Variants in NCK2 observed in about 807,000 individuals in gnomAD.
NCK2 encodes the protein NCK adaptor protein 2.
NCK2 carries 16 observed loss-of-function variants against 33.9 expected under a neutral mutation model. The observed-to-expected ratio is 0.47, with a 90% CI of 0.32 to 0.72. The LOEUF (loss-of-function observed/expected upper bound fraction) is 0.72, where lower values mean the gene tolerates loss of function less well. Ranked by LOEUF, NCK2 falls within the 30% of genes least tolerant of loss-of-function variation. The pLI is 0.03. For synonymous variants in NCK2, 273 were observed against 239.9 expected, an observed-to-expected ratio of 1.14 and a Z score of -1.27; for missense variants, 418 against 537.3, an observed-to-expected ratio of 0.78 and a Z score of 2.19.
At chr2:105,763,631 TG>T (rs1250600365) in intron 1 of NCK2, among the ~76,000 whole-genome samples, 3 of 152,124 alleles carry the variant, frequency 2.0e-5, no homozygotes, top group Non-Finnish European at 4.4e-5. Context: ...GCAGTGGGGT[TG>T]GGGTTGGGTT....
intron 1 of NCK2, among the ~76,000 whole-genome samples, chr2:105,794,101 T>C (rs1573601091): frequency 6.8e-6 from 1 of 146,750 alleles, no homozygotes; most frequent in Admixed American, 7.1e-5. Flanking sequence ...CAGGCTGGAG[T>C]GCAGTGGCGC....
At chr2:105,871,012 G>C in intron 3 of NCK2, among the ~76,000 whole-genome samples, 1 of 152,054 alleles carries the variant, frequency 6.6e-6, no homozygotes, top group South Asian at 2.1e-4. Context: ...TCTGCTCATC[G>C]TGATCCTGGC....
At chr2:105,749,035 C>T (rs1001939594) in intron 1 of NCK2, among the ~76,000 whole-genome samples, 2 of 152,100 alleles carry the variant, frequency 1.3e-5, no homozygotes, top group Non-Finnish European at 2.9e-5. Context: ...CATTTGTAGT[C>T]CTGAAGCTAC....
At chr2:105,775,748 C>T (rs1022270789) in intron 1 of NCK2, among the ~76,000 whole-genome samples, 1 of 152,084 alleles carries the variant, frequency 6.6e-6, no homozygotes, top group Non-Finnish European at 1.5e-5. Flanking sequence ...ACTGGGAGCA[C>T]CACACCTCCC....
intron 3 of NCK2, chr2:105,856,685 T>G (rs1050015566): frequency 2.6e-5 from 4 of 152,236 alleles, no homozygotes; most frequent in Admixed American, 6.5e-5. Context: ...TTTGGAGAGA[T>G]AAGTGAGACA....
chr2:105,823,025 C>T (rs6723057), intron 2 of NCK2, among the ~76,000 whole-genome samples: 18,935 of 151,934 alleles, frequency 0.12, 1,544 homozygotes, highest in African/African-American at 0.21. Context: ...AAACAGGCCA[C>T]ACAGAGCTTG....
At chr2:105,851,431 T>A (rs1284178371) in intron 2 of NCK2, among the ~76,000 whole-genome samples, 1 of 152,134 alleles carries the variant, frequency 6.6e-6, no homozygotes, top group Non-Finnish European at 1.5e-5. Context: ...CCCCGGCTGC[T>A]CTTTTTGTAT....
intron 1 of NCK2, among the ~76,000 whole-genome samples, chr2:105,791,725 T>A (rs968204328): frequency 1.3e-5 from 2 of 152,206 alleles, no homozygotes; most frequent in African/African-American, 2.4e-5. Flanking sequence ...TGGTATACAT[T>A]CTTCGTAGAG....
At position 105,839,917 on chromosome 2, in the gene NCK2, G is replaced by A. The variant is rs151084917; in HGVS notation, c.-16-15131G>A. Reference sequence around the variant, plus strand: ...CAGGCAGCAGGGCTGTGTGATCTCCGCGCAGCTGGTGGACGGTGTGTTTCC... The same window carrying A: ...CAGGCAGCAGGGCTGTGTGATCTCCACGCAGCTGGTGGACGGTGTGTTTCC... On this transcript the variant is annotated intron_variant, in intron 2 of 4. Coordinates refer to ENST00000233154, the MANE Select transcript of NCK2 (RefSeq NM_003581.5). 1.6e-3 allele frequency among the ~76,000 whole-genome samples: 238 copies of A among 152,320 alleles called. 1 individual carries two copies. The South Asian group carries it at 0.022, about 14-fold the overall frequency.
At chr2:105,849,401 A>G (rs1483294837) in intron 2 of NCK2, among the ~76,000 whole-genome samples, 4 of 152,174 alleles carry the variant, frequency 2.6e-5, no homozygotes, top group East Asian at 1.9e-4. Context: ...AGAAGGAAAG[A>G]AGGAGGGAGG....
chr2:105,879,388 G>T (rs1048774615), intron 3 of NCK2, among the ~76,000 whole-genome samples: 2 of 152,198 alleles, frequency 1.3e-5, no homozygotes, highest in Non-Finnish European at 2.9e-5. Flanking sequence ...GGATTGTGGA[G>T]CTGTGGCGGT....
intron 2 of NCK2, among the ~76,000 whole-genome samples, chr2:105,845,515 T>C (rs1246897861): frequency 1.3e-5 from 2 of 151,912 alleles, no homozygotes; most frequent in Non-Finnish European, 2.9e-5. Context: ...TGCCTCAGCC[T>C]CCTGAGTAGC....
chr2:105,893,577 G>A lies in NCK2; in HGVS notation c.*401G>A, dbSNP rs866255790. The A allele has an allele frequency of 1.5e-5, 3 of 205,636 alleles. No homozygotes were observed. Among genetic ancestry groups the A allele is most frequent in the South Asian group, 1.9e-4 (2 of 10,614 alleles). 12.7% of individuals were successfully genotyped at this position (205,636 alleles called of 1,614,324 possible). A position where few individuals can be genotyped will look rare whatever the true frequency, so the allele number is the denominator to read the frequency against. On this transcript the variant is annotated 3_prime_UTR_variant, in exon 5 of 5. Transcript: ENST00000233154. ...TCAGCGTGCTGGGCAGAGCAGGTGCGATGGCCCCAGTCCTAGCAGCCCTCG... is the reference window on the plus strand; with the variant it reads ...TCAGCGTGCTGGGCAGAGCAGGTGCAATGGCCCCAGTCCTAGCAGCCCTCG...
rs200231173 is a variant in NCK2, at chr2:105,868,715, C to CT, written c.227-12608dup. 4.2e-3 allele frequency among the ~76,000 whole-genome samples: 644 copies of CT among 152,268 alleles called. 2 individuals are homozygous for CT. Among genetic ancestry groups the CT allele is most frequent in the African/African-American group, 0.014 (585 of 41,544 alleles). Reference sequence around the variant, plus strand: ...CCCTTGTGCTTCTACTGTGGGTTTTCTTTTTCTTCTTCAAAGCCTGCTATA... The same window carrying CT: ...CCCTTGTGCTTCTACTGTGGGTTTTCTTTTTTCTTCTTCAAAGCCTGCTATA... On this transcript the variant is annotated intron_variant, in intron 3 of 4. Coordinates refer to ENST00000233154, the MANE Select transcript of NCK2 (RefSeq NM_003581.5).
intron 1 of NCK2, among the ~76,000 whole-genome samples, chr2:105,767,051 T>C (rs1255338690): frequency 2.0e-5 from 3 of 152,166 alleles, no homozygotes; most frequent in Non-Finnish European, 4.4e-5. Flanking sequence ...GCTACTCGTA[T>C]GGTCAGCCAG....
chr2:105,788,779 A>C (rs752525846), intron 1 of NCK2, among the ~76,000 whole-genome samples: 4 of 152,104 alleles, frequency 2.6e-5, no homozygotes, highest in Non-Finnish European at 2.9e-5. Context: ...TATAGCTTAA[A>C]TCAGTTACAA....
chr2:105,801,542 G>A (rs1306043648), intron 1 of NCK2, among the ~76,000 whole-genome samples: 1 of 152,040 alleles, frequency 6.6e-6, no homozygotes, highest in Non-Finnish European at 1.5e-5. Context: ...TGTAGCAGTC[G>A]AGTGAGGAGA....
chr2:105,763,934 T>TA (rs1232480674), intron 1 of NCK2, among the ~76,000 whole-genome samples: 2 of 152,222 alleles, frequency 1.3e-5, no homozygotes, highest in Admixed American at 1.3e-4. Context: ...GGTACATTCT[T>TA]AAAGTATTCA....
rs1222416628 is a variant in NCK2, at chr2:105,835,398, T to TAC, written c.-17+18786_-17+18787insCA. On this transcript the variant is annotated intron_variant, in intron 2 of 4. Coordinates refer to ENST00000233154, the MANE Select transcript of NCK2 (RefSeq NM_003581.5). ...ATACATATATATACACATATATATA[T>TAC]ATATATACGTGTATATATATATATA... Among the ~76,000 whole-genome samples the TAC allele has an allele frequency of 2.2e-3, 214 of 96,962 alleles. 12 individuals are homozygous for TAC. Among genetic ancestry groups the TAC allele is most frequent in the Non-Finnish European group, 3.4e-3 (145 of 43,238 alleles). 63.6% of individuals were successfully genotyped at this position (96,962 alleles called of 152,430 possible).
Sources: allele counts gnomAD v4.1 joint callset (sites outside exome capture counted in the v4.1 genomes callset), GRCh38; gene constraint gnomAD v4.1.1; transcripts MANE v1.5; gene names NCBI Gene and HGNC (gene_info 2026-07-23, HGNC 2026-07-21).